Variants in FOXK1 observed in about 807,000 individuals in gnomAD.
FOXK1 encodes the protein forkhead box protein K1.
In FOXK1, 19 loss-of-function variants were observed where a neutral mutation model predicts 51.9. The observed-to-expected ratio is 0.37, with a 90% CI of 0.26 to 0.54. The LOEUF is 0.54. FOXK1 is among the 20% of genes least tolerant of loss of function. FOXK1 has a pLI of 0.87. For synonymous variants in FOXK1, 537 were observed against 482.6 expected (o/e 1.11, Z -1.48); for missense variants, 870 against 1,032.7 (o/e 0.84, Z 2.16).
chr7:4,706,903 C>T (rs1157072195), intron 1 of FOXK1, among the ~76,000 whole-genome samples: 1 of 152,204 alleles, frequency 6.6e-6, no homozygotes, highest in Non-Finnish European at 1.5e-5. Flanking sequence ...TCCCTCTCAC[C>T]TCCCCCCGGG....
chr7:4,728,004 G>A (rs1200979453), intron 1 of FOXK1, among the ~76,000 whole-genome samples: 1 of 152,178 alleles, frequency 6.6e-6, no homozygotes, highest in Non-Finnish European at 1.5e-5. Context: ...TCACTGCACA[G>A]ACATTTCCAG....
intron 1 of FOXK1, among the ~76,000 whole-genome samples, chr7:4,713,039 C>T (rs1780193954): frequency 6.6e-6 from 1 of 152,164 alleles, no homozygotes; most frequent in Non-Finnish European, 1.5e-5. Context: ...TTCCTGGCCC[C>T]CTTAGGCCGA....
chr7:4,733,200 AT>A lies in FOXK1; in HGVS notation c.561-7631del, dbSNP rs996338199. On this transcript the variant is annotated intron_variant, in intron 1 of 8. Transcript: ENST00000328914. This position sits in a 1 kb window ranked among gnomAD's most constrained non-coding sequence, Gnocchi z 5.0. ...CGGTCTTTTTTTTTTTAATTTTATTATTTTTTTATTTCAAGCTGGGTTCTTG... is the reference window on the plus strand; with the variant it reads ...CGGTCTTTTTTTTTTTAATTTTATTATTTTTTATTTCAAGCTGGGTTCTTG... Among the ~76,000 whole-genome samples the A allele has an allele frequency of 1.3e-5, 2 of 149,296 alleles. No homozygotes were observed. Among genetic ancestry groups the A allele is most frequent in the African/African-American group, 2.5e-5 (1 of 40,434 alleles).
rs977127870 is a variant in FOXK1, at chr7:4,735,925, G to C, written c.561-4913G>C. Among the ~76,000 whole-genome samples the C allele has an allele frequency of 1.3e-5, 2 of 152,078 alleles. No individual in the cohort carries two copies. Among genetic ancestry groups the C allele is most frequent in the African/African-American group, 4.8e-5 (2 of 41,414 alleles). On this transcript the variant is annotated intron_variant, in intron 1 of 8. Coordinates refer to ENST00000328914, the MANE Select transcript of FOXK1 (RefSeq NM_001037165.2). The surrounding 1 kb of genome is among the most constrained non-coding windows in gnomAD (Gnocchi z 4.7). Reference sequence around the variant, plus strand: ...TCCCAGCACTTTGAGAGGCTGATGCGGGTGGATCACTTGAGGTCAGGAGTT... The same window carrying C: ...TCCCAGCACTTTGAGAGGCTGATGCCGGTGGATCACTTGAGGTCAGGAGTT...
chr7:4,718,678 G>A (rs77931455), intron 1 of FOXK1, among the ~76,000 whole-genome samples: 2,269 of 152,292 alleles, frequency 0.015, 51 homozygotes, highest in African/African-American at 0.048. Context: ...TGCCGACCTC[G>A]CTTTCAGAGT....
rs1780168936 is a variant in FOXK1, at chr7:4,711,127, C to T, written c.560+28259C>T. Among the ~76,000 whole-genome samples, 1 of 151,570 alleles carries T rather than the reference C, an allele frequency of 6.6e-6. No homozygotes were observed. Among genetic ancestry groups the T allele is most frequent in the South Asian group, 2.1e-4 (1 of 4,832 alleles). On this transcript the variant is annotated intron_variant, in intron 1 of 8. Transcript: ENST00000328914. This position sits in a 1 kb window ranked among gnomAD's most constrained non-coding sequence, Gnocchi z 6.3. ...AAGCTGGGCCTGGATCCTACTTAGT[C>T]TCTCTGACTTCTTCTACTCAAGCAT...
intron 1 of FOXK1, among the ~76,000 whole-genome samples, chr7:4,705,517 TTCTC>T (rs56842360): frequency 0.04 from 4,477 of 111,498 alleles, 81 homozygotes; most frequent in South Asian, 0.058. Flanking sequence ...TTCCTTCTCT[TTCTC>T]TCTCTCTCTC....
rs1216916882 is a variant in FOXK1, at chr7:4,735,612, T to C, written c.561-5226T>C. Among the ~76,000 whole-genome samples, 1 of 152,182 alleles carries C rather than the reference T, an allele frequency of 6.6e-6. No homozygotes were observed. Among genetic ancestry groups the C allele is most frequent in the African/African-American group, 2.4e-5 (1 of 41,446 alleles). The stretch of plus-strand genomic sequence containing the variant: ...GAGATGTCCTCCACAGATGGGCACT[T>C]GCTCGTACAGGAACCTTTCCGCCGG... On this transcript the variant is annotated intron_variant, in intron 1 of 8. Coordinates refer to ENST00000328914, the MANE Select transcript of FOXK1 (RefSeq NM_001037165.2). This position sits in a 1 kb window ranked among gnomAD's most constrained non-coding sequence, Gnocchi z 4.7.
In FOXK1 at chr7:4,764,573, G is replaced by A. The variant is rs1004666675; in HGVS notation, c.*2109G>A. 3 of 153,236 alleles carry A rather than the reference G, an allele frequency of 2.0e-5. No individual in the cohort carries two copies. Among genetic ancestry groups the A allele is most frequent in the Admixed American group, 6.5e-5 (1 of 15,292 alleles). 9.5% of individuals were successfully genotyped at this position (153,236 alleles called of 1,614,324 possible). On this transcript the variant is annotated 3_prime_UTR_variant, in exon 9 of 9. Transcript: ENST00000328914. ...CATGGCGTGAGAGAACGGGGGGTGG[G>A]GGTTGGAGGTGGCTCCCCGACACCG...
intron 1 of FOXK1, among the ~76,000 whole-genome samples, chr7:4,684,499 G>T (rs1303336418): frequency 6.6e-6 from 1 of 152,198 alleles, no homozygotes; most frequent in Admixed American, 6.5e-5. Context: ...TGAAAGGTGT[G>T]CATTTTGGTA....
At chr7:4,741,131 G>T (rs1446737099) in intron 2 of FOXK1, 108 bp downstream of exon 2, 1 of 760,278 alleles carries the variant, frequency 1.3e-6, no homozygotes, top group Non-Finnish European at 1.9e-6. Flanking sequence ...AAAGTTGCAC[G>T]TGCATGGAAA....
In FOXK1 at chr7:4,733,422, G is replaced by C. The variant is rs1162674227; in HGVS notation, c.561-7416G>C. ...CTCCGTTATGCAGTGTGCCTTTATGGTCCACTGTGGCTGCTCGGCTCCTGC... is the reference window on the plus strand; with the variant it reads ...CTCCGTTATGCAGTGTGCCTTTATGCTCCACTGTGGCTGCTCGGCTCCTGC... On this transcript the variant is annotated intron_variant, in intron 1 of 8. Transcript: ENST00000328914. This position sits in a 1 kb window ranked among gnomAD's most constrained non-coding sequence, Gnocchi z 5.0. Among the ~76,000 whole-genome samples, 1 of 152,140 alleles carries C rather than the reference G, an allele frequency of 6.6e-6. No individual in the cohort carries two copies. Among genetic ancestry groups the C allele is most frequent in the Non-Finnish European group, 1.5e-5 (1 of 68,020 alleles).
At chr7:4,710,459 C>T (rs1780160176) in intron 1 of FOXK1, among the ~76,000 whole-genome samples, 1 of 152,174 alleles carries the variant, frequency 6.6e-6, no homozygotes, top group East Asian at 1.9e-4. Context: ...CCTGTAATCC[C>T]AGCTCCTCCG....
rs983324490 is a variant in FOXK1, at chr7:4,703,515, C to T, written c.560+20647C>T. The stretch of plus-strand genomic sequence containing the variant: ...CCCAGGGTGGCCCGACCCTGCTGCG[C>T]GGGAGGGAAAGAGCCACAACAAGTT... On this transcript the variant is annotated intron_variant, in intron 1 of 8. Coordinates refer to ENST00000328914, the MANE Select transcript of FOXK1 (RefSeq NM_001037165.2). The surrounding 1 kb of genome is among the most constrained non-coding windows in gnomAD (Gnocchi z 5.6). Among the ~76,000 whole-genome samples the T allele has an allele frequency of 7.2e-5, 11 of 152,272 alleles. No homozygotes were observed. Among genetic ancestry groups the T allele is most frequent in the East Asian group, 3.9e-4 (2 of 5,176 alleles).
intron 1 of FOXK1, among the ~76,000 whole-genome samples, 168 bp from the exon 2 acceptor site, chr7:4,740,670 G>A (rs575475865): frequency 7.2e-5 from 11 of 152,182 alleles, no homozygotes; most frequent in Middle Eastern, 6.8e-3. Flanking sequence ...ATAAGCCAAA[G>A]TCTCAGTTCC....
intron 2 of FOXK1, among the ~76,000 whole-genome samples, chr7:4,742,342 C>A (rs1780644940): frequency 6.6e-6 from 1 of 152,162 alleles, no homozygotes; most frequent in Non-Finnish European, 1.5e-5. Context: ...CTGATCTGCG[C>A]ACTCTGCTGA....
Position 4,683,472 on chromosome 7 carries a change from G to T in FOXK1, c.560+604G>T, listed in dbSNP as rs1345743492. ...CCGCTAACCCCACAAGCCTGGGCTCGCAGGGCCACTCCCACCCCAGCTCCA... is the reference window on the plus strand; with the variant it reads ...CCGCTAACCCCACAAGCCTGGGCTCTCAGGGCCACTCCCACCCCAGCTCCA... On this transcript the variant is annotated intron_variant, in intron 1 of 8. Transcript: ENST00000328914. The surrounding 1 kb of genome is among the most constrained non-coding windows in gnomAD (Gnocchi z 4.5). 3.3e-5 allele frequency among the ~76,000 whole-genome samples: 5 copies of T among 151,068 alleles called. No individual in the cohort carries two copies.
chr7:4,754,591 C>T lies in FOXK1; in HGVS notation c.879C>T (p.Asp293=), dbSNP rs752301458. ...AAKAASEQQA[D]TSGGDSPKDE... ...AGGCCGCGTCGGAGCAGCAGGCAGA[C>T]ACGTCTGGAGGAGACAGCCCCAAGG... Residue 293 remains aspartate (D), a synonymous_variant, in exon 3 of 9, where the codon GAC becomes GAT. Transcript: ENST00000328914. The T allele has an allele frequency of 6.2e-7, 1 of 1,606,372 alleles. No homozygotes were observed. The highest frequency in any genetic ancestry group is 1.3e-5 in the African/African-American group (1 of 75,078).
chr7:4,692,371 A>G (rs1419967319), intron 1 of FOXK1, among the ~76,000 whole-genome samples: 6 of 152,164 alleles, frequency 3.9e-5, no homozygotes, highest in Non-Finnish European at 5.9e-5. Context: ...GACCTCACTA[A>G]AACCTGACAA....
Sources: allele counts gnomAD v4.1 joint callset (sites outside exome capture counted in the v4.1 genomes callset), GRCh38; gene constraint gnomAD v4.1.1; non-coding constraint Gnocchi (gnomAD v3.1); transcripts MANE v1.5; gene names NCBI Gene and HGNC (gene_info 2026-07-23, HGNC 2026-07-21).